DMD: variants seen among roughly 807,000 people sequenced by gnomAD.
DMD encodes mutant dystrophin.
A neutral mutation model predicts 330.1 loss-of-function variants in DMD; 63 were observed. The ratio of observed to expected loss-of-function variants is 0.19; its 90% CI spans 0.16 to 0.24. The LOEUF is 0.24. DMD is among the 10% of genes least tolerant of loss of function. The pLI is 1.00. For synonymous variants in DMD, 1,223 were observed against 959.8 expected (o/e 1.27, Z -5.07); for missense variants, 3,344 against 2,684.1 (o/e 1.25, Z -5.43).
chrX:32,919,773 T>G (rs1262214927), intron 2 of DMD, among the ~76,000 whole-genome samples: 1 of 111,618 alleles, frequency 9.0e-6, no homozygotes, highest in Non-Finnish European at 1.9e-5. Flanking sequence ...CATTGATAAA[T>G]TACATGTTAT....
chrX:32,809,370 T>C (rs1794739220), intron 7 of DMD, 123 bp downstream of exon 7: 6 of 573,016 alleles, frequency 1.0e-5, no homozygotes, highest in South Asian at 7.3e-5. Flanking sequence ...ATTTTAAATA[T>C]ATCTACAGTA....
At chrX:33,043,788 C>T (rs2094338668) in intron 1 of DMD, among the ~76,000 whole-genome samples, 1 of 109,857 alleles carries the variant, frequency 9.1e-6, no homozygotes, top group South Asian at 4.0e-4. Flanking sequence ...CACCCATTAA[C>T]TCGTCATTTA....
chrX:32,068,553 C>T (rs182535637), intron 44 of DMD, among the ~76,000 whole-genome samples: 46 of 109,812 alleles, frequency 4.2e-4, no homozygotes, highest in Admixed American at 2.1e-3. Flanking sequence ...ACTTTGTCGA[C>T]GAACAGTTGG....
chrX:33,114,162 T>C (rs1481232957), intron 1 of DMD, among the ~76,000 whole-genome samples: 1 of 106,504 alleles, frequency 9.4e-6, no homozygotes, highest in Admixed American at 1.0e-4. Context: ...CAGGCTGGAG[T>C]GCAGTGGCAT....
At chrX:32,331,113 G>A (rs757441310) in intron 41 of DMD, among the ~76,000 whole-genome samples, 1 of 111,632 alleles carries the variant, frequency 9.0e-6, no homozygotes, top group Non-Finnish European at 1.9e-5. Context: ...GATACCCTTT[G>A]TAAAAATTTA....
At chrX:33,161,650 C>T (rs892069430) in intron 1 of DMD, among the ~76,000 whole-genome samples, 13 of 110,943 alleles carry the variant, frequency 1.2e-4, no homozygotes, top group Non-Finnish European at 2.3e-4. Context: ...TCATACAATT[C>T]CTCCTTCCCA....
chrX:32,895,777 T>A (rs957061833), intron 2 of DMD, among the ~76,000 whole-genome samples: 1 of 111,082 alleles, frequency 9.0e-6, no homozygotes, highest in African/African-American at 3.3e-5. Context: ...AGAATTCTGA[T>A]ATTTATATAT....
chrX:31,541,584 T>C (rs2073828380), intron 55 of DMD, among the ~76,000 whole-genome samples: 1 of 105,917 alleles, frequency 9.4e-6, no homozygotes, highest in Admixed American at 1.0e-4. Flanking sequence ...TAAGAACATG[T>C]GGTGTTTGGT....
chrX:32,359,942 T>C (rs1262703252), intron 37 of DMD, among the ~76,000 whole-genome samples: 1 of 111,054 alleles, frequency 9.0e-6, no homozygotes, highest in Non-Finnish European at 1.9e-5. Flanking sequence ...GGATAGGTTT[T>C]CTTTTAAAAA....
chrX:31,475,607 T>G (rs1008979912), intron 59 of DMD, among the ~76,000 whole-genome samples: 1 of 111,952 alleles, frequency 8.9e-6, no homozygotes, highest in Non-Finnish European at 1.9e-5. Context: ...AATTAGTCCC[T>G]ATATTTTTGA....
intron 49 of DMD, among the ~76,000 whole-genome samples, chrX:31,826,784 T>C (rs1293434388): frequency 8.9e-6 from 1 of 112,409 alleles, no homozygotes; most frequent in Non-Finnish European, 1.9e-5. Context: ...AGTCCTATTC[T>C]TGACTACATC....
intron 63 of DMD, among the ~76,000 whole-genome samples, chrX:31,259,930 G>A (rs1357054655): frequency 9.0e-6 from 1 of 111,096 alleles, no homozygotes. Context: ...CAAAGAGATC[G>A]CCTTATGTGT....
At chrX:33,261,924 AACC>A (rs747997803) in intron 1 of DMD, among the ~76,000 whole-genome samples, 19 of 100,820 alleles carry the variant, frequency 1.9e-4, no homozygotes, top group East Asian at 2.9e-4. Flanking sequence ...AAAGGCAGAA[AACC>A]ACCACCACCA....
At chrX:31,150,665 C>T (rs184179133) in intron 74 of DMD, among the ~76,000 whole-genome samples, 1 of 111,715 alleles carries the variant, frequency 9.0e-6, no homozygotes, top group Non-Finnish European at 1.9e-5. Flanking sequence ...TTCCCATTGT[C>T]CAGTTTGAGA....
chrX:32,864,469 GTTT>G (rs2082326635), intron 2 of DMD, among the ~76,000 whole-genome samples: 7 of 112,440 alleles, frequency 6.2e-5, no homozygotes, highest in Admixed American at 3.8e-4. Flanking sequence ...TACAAAGATA[GTTT>G]AATATATCTT....
At chrX:32,654,949 G>A (rs930543772) in intron 9 of DMD, among the ~76,000 whole-genome samples, 1 of 111,974 alleles carries the variant, frequency 8.9e-6, no homozygotes, top group Non-Finnish European at 1.9e-5. Flanking sequence ...GGTGTTTACA[G>A]TTTTCTCTGA....
intron 2 of DMD, among the ~76,000 whole-genome samples, chrX:32,886,353 A>C (rs2084566613): frequency 1.8e-5 from 2 of 110,425 alleles, no homozygotes; most frequent in African/African-American, 6.6e-5. Context: ...AATTTTGCTA[A>C]GTATTTTTGC....
At chrX:31,768,625 A>T (rs1383634052) in intron 51 of DMD, among the ~76,000 whole-genome samples, 1 of 111,773 alleles carries the variant, frequency 8.9e-6, no homozygotes, top group Non-Finnish European at 1.9e-5. Context: ...AGATTATGTC[A>T]AAAAAGAAAA....
intron 62 of DMD, among the ~76,000 whole-genome samples, chrX:31,322,701 T>C (rs755800309): frequency 1.8e-5 from 2 of 111,752 alleles, no homozygotes; most frequent in African/African-American, 6.5e-5. Flanking sequence ...GAAGAATTGA[T>C]GGACAGTGAA....
Sources: allele counts gnomAD v4.1 joint callset (sites outside exome capture counted in the v4.1 genomes callset), GRCh38; gene constraint gnomAD v4.1.1; transcripts MANE v1.5; gene names NCBI Gene and HGNC (gene_info 2026-07-23, HGNC 2026-07-21).